Variants in XXYLT1 observed in about 807,000 individuals in gnomAD.
XXYLT1 encodes xyloside xylosyltransferase 1, also known as UDP-xylose:alpha-xyloside alpha-1,3-xylosyltransferase.
A neutral mutation model predicts 28.9 loss-of-function variants in XXYLT1; 20 were observed. The ratio of observed to expected loss-of-function variants is 0.69; its 90% CI spans 0.49 to 1.00. The LOEUF is 1.00. Ranked by LOEUF, XXYLT1 falls within the 50% of genes least tolerant of loss-of-function variation. The pLI, the probability that XXYLT1 is intolerant of heterozygous loss-of-function variation, is 0.00. For missense variants in XXYLT1, 542 were observed against 560.1 expected (o/e 0.97, Z 0.33); for synonymous variants, 257 against 253.8 (o/e 1.01, Z -0.12).
chr3:195,100,066 T>C (rs943568414), intron 3 of XXYLT1, among the ~76,000 whole-genome samples: 7 of 150,738 alleles, frequency 4.6e-5, no homozygotes, highest in Non-Finnish European at 9.0e-5. Flanking sequence ...ATTTGGAACT[T>C]CCAAATTTGC....
Position 195,180,297 on chromosome 3 carries a change from A to G in XXYLT1, c.653-23716T>C. 1 of 984,598 alleles carries G rather than the reference A, an allele frequency of 1.0e-6. No individual in the cohort carries two copies. The highest frequency in any genetic ancestry group is 1.2e-6 in the Non-Finnish European group (1 of 829,224). 61.0% of individuals were successfully genotyped at this position (984,598 alleles called of 1,614,324 possible). A position where few individuals can be genotyped will look rare whatever the true frequency, so the allele number is the denominator to read the frequency against. ...CCCAGTTACAGGAAAGGTCCCTTCCATCCTGGGGACCCAACTCATGAGGGC... is the reference window on the plus strand; with the variant it reads ...CCCAGTTACAGGAAAGGTCCCTTCCGTCCTGGGGACCCAACTCATGAGGGC... On this transcript the variant is annotated intron_variant, in intron 2 of 3. Transcript: ENST00000310380. The surrounding 1 kb of genome is among the most constrained non-coding windows in gnomAD (Gnocchi z 5.8).
intron 3 of XXYLT1, among the ~76,000 whole-genome samples, chr3:195,119,232 C>T (rs1190857837): frequency 1.6e-4 from 24 of 148,422 alleles, no homozygotes; most frequent in African/African-American, 2.3e-4. Flanking sequence ...TGCAGTGAGC[C>T]GAGATTGCGC....
Position 195,069,171 on chromosome 3 carries a change from A to G in XXYLT1, c.*544T>C, listed in dbSNP as rs1714657576. The G allele has an allele frequency of 1.3e-5, 2 of 153,560 alleles. No individual in the cohort carries two copies. The highest frequency in any genetic ancestry group is 4.8e-5 in the African/African-American group (2 of 41,438). The allele number at this position is 153,560 out of a possible 1,614,324, so 9.5% of individuals were successfully genotyped here. A position where few individuals can be genotyped will look rare whatever the true frequency, so the allele number is the denominator to read the frequency against. On this transcript the variant is annotated 3_prime_UTR_variant, in exon 4 of 4. Transcript: ENST00000310380. ...CACCAAGTGACGTGAGCATCAGGAG[A>G]ATGCGCGTGCAGCAGCCTCCCAGGG...
chr3:195,149,659 C>G (rs1202402800), intron 3 of XXYLT1, among the ~76,000 whole-genome samples: 1 of 152,220 alleles, frequency 6.6e-6, no homozygotes, highest in African/African-American at 2.4e-5. Flanking sequence ...TCCCTCCCCC[C>G]ATCTTTGATC....
At chr3:195,145,992 G>T (rs746877448) in intron 3 of XXYLT1, among the ~76,000 whole-genome samples, 3 of 152,240 alleles carry the variant, frequency 2.0e-5, no homozygotes, top group Non-Finnish European at 2.9e-5. Context: ...GGAGGAGACA[G>T]ATGTTCAATT....
At chr3:195,156,690 G>A (rs934874012) in intron 2 of XXYLT1, 109 bp from the exon 3 acceptor site, 125 of 1,397,532 alleles carry the variant, frequency 8.9e-5, no homozygotes, top group Non-Finnish European at 1.0e-4. Context: ...GACTCTTACT[G>A]TTGTCAGTGA....
At chr3:195,112,572 C>G (rs1274705398) in intron 3 of XXYLT1, among the ~76,000 whole-genome samples, 1 of 147,932 alleles carries the variant, frequency 6.8e-6, no homozygotes, top group Non-Finnish European at 1.5e-5. Context: ...AAGCAGTGCA[C>G]ACACACGCAC....
Position 195,168,845 on chromosome 3 carries a change from A to C in XXYLT1, c.653-12264T>G, listed in dbSNP as rs1553814485. Among the ~76,000 whole-genome samples the C allele has an allele frequency of 6.6e-6, 1 of 152,204 alleles. No individual in the cohort carries two copies. Among genetic ancestry groups the C allele is most frequent in the Non-Finnish European group, 1.5e-5 (1 of 68,032 alleles). On this transcript the variant is annotated intron_variant, in intron 2 of 3. Transcript: ENST00000310380. The surrounding 1 kb of genome is among the most constrained non-coding windows in gnomAD (Gnocchi z 4.3). ...CTTAGGGTCACACGGCCAGTGAGTG[A>C]CCAGCAGAAATGCAAGTTAGTCCCC...
At chr3:195,205,759 A>G (rs1011957216) in intron 2 of XXYLT1, among the ~76,000 whole-genome samples, 9 of 152,168 alleles carry the variant, frequency 5.9e-5, no homozygotes, top group Admixed American at 1.3e-4. Context: ...GCTACTCGGG[A>G]GGCTGAGGCA....
intron 2 of XXYLT1, among the ~76,000 whole-genome samples, chr3:195,218,698 C>A (rs1181655342): frequency 1.3e-5 from 2 of 151,244 alleles, no homozygotes; most frequent in East Asian, 3.9e-4. Flanking sequence ...GAAATAGGAA[C>A]ACTTTTACAC....
chr3:195,236,325 ACTCTTCCCTC>A (rs974284652), intron 1 of XXYLT1, among the ~76,000 whole-genome samples: 1 of 151,136 alleles, frequency 6.6e-6, no homozygotes, highest in African/African-American at 2.4e-5. Context: ...AGTCCTTCCC[ACTCTTCCCTC>A]CTCTTTCTCC....
chr3:195,078,739 G>GC lies in XXYLT1; in HGVS notation c.786-8629dup, dbSNP rs891290499. Among the ~76,000 whole-genome samples the GC allele has an allele frequency of 3.9e-5, 6 of 151,980 alleles. No individual in the cohort carries two copies. The highest frequency in any genetic ancestry group is 1.5e-4 in the African/African-American group (6 of 41,350). ...TCCCCAGTCCCCAGGGCTGCACACAGCCCCCCACACTTCCAGAGCTGTCCT... is the reference window on the plus strand; with the variant it reads ...TCCCCAGTCCCCAGGGCTGCACACAGCCCCCCCACACTTCCAGAGCTGTCCT... On this transcript the variant is annotated intron_variant, in intron 3 of 3. Coordinates refer to ENST00000310380, the MANE Select transcript of XXYLT1 (RefSeq NM_152531.5). The surrounding 1 kb of genome is among the most constrained non-coding windows in gnomAD (Gnocchi z 5.0).
chr3:195,147,303 C>T (rs185047926), intron 3 of XXYLT1, among the ~76,000 whole-genome samples: 5 of 152,320 alleles, frequency 3.3e-5, no homozygotes, highest in South Asian at 4.1e-4. Flanking sequence ...GGCATGGTGA[C>T]TCACACCTGT....
At chr3:195,098,086 C>T (rs1362662931) in intron 3 of XXYLT1, among the ~76,000 whole-genome samples, 1 of 152,110 alleles carries the variant, frequency 6.6e-6, no homozygotes, top group Non-Finnish European at 1.5e-5. Flanking sequence ...CAGGAAATAC[C>T]AAGAACAGGC....
At chr3:195,148,477 A>C (rs113406558) in intron 3 of XXYLT1, among the ~76,000 whole-genome samples, 8 of 152,360 alleles carry the variant, frequency 5.3e-5, no homozygotes, top group African/African-American at 1.9e-4. Flanking sequence ...AACAAGGTTC[A>C]AGAAATTCAT....
intron 3 of XXYLT1, among the ~76,000 whole-genome samples, chr3:195,105,946 C>G (rs888337311): frequency 2.0e-5 from 3 of 152,198 alleles, no homozygotes; most frequent in Admixed American, 6.5e-5. Context: ...AAGACTAAAG[C>G]CTTCCCCTTT....
In XXYLT1 at chr3:195,255,826, G is replaced by A. The variant is rs891097947; in HGVS notation, c.504+14729C>T. Among the ~76,000 whole-genome samples the A allele has an allele frequency of 6.6e-6, 1 of 151,990 alleles. No homozygotes were observed. Among genetic ancestry groups the A allele is most frequent in the Non-Finnish European group, 1.5e-5 (1 of 67,980 alleles). On this transcript the variant is annotated intron_variant, in intron 1 of 3. Transcript: ENST00000310380. The surrounding 1 kb of genome is among the most constrained non-coding windows in gnomAD (Gnocchi z 4.5). ...ATGAATAGACTCAACTCCAGGACCAGAGTCTGGACTCCCTCCAACCCAGAC... is the reference window on the plus strand; with the variant it reads ...ATGAATAGACTCAACTCCAGGACCAAAGTCTGGACTCCCTCCAACCCAGAC...
intron 3 of XXYLT1, chr3:195,154,147 G>GA (rs1172394725): frequency 6.6e-6 from 1 of 152,200 alleles, no homozygotes; most frequent in Non-Finnish European, 1.5e-5. Context: ...AATGTCAGGC[G>GA]ACCATCAGCT....
At chr3:195,243,632 T>C (rs1724877905) in intron 1 of XXYLT1, among the ~76,000 whole-genome samples, 1 of 146,874 alleles carries the variant, frequency 6.8e-6, no homozygotes, top group Non-Finnish European at 1.5e-5. Context: ...CACTAACATG[T>C]CCTGAAGACA....
Sources: allele counts gnomAD v4.1 joint callset (sites outside exome capture counted in the v4.1 genomes callset), GRCh38; gene constraint gnomAD v4.1.1; non-coding constraint Gnocchi (gnomAD v3.1); transcripts MANE v1.5; gene names NCBI Gene and HGNC (gene_info 2026-07-23, HGNC 2026-07-21).